Variants in DBX2 observed in about 807,000 individuals in gnomAD.
DBX2 encodes homeobox protein DBX2.
DBX2 carries 16 observed loss-of-function variants against 17.7 expected under a neutral mutation model. That is an observed-to-expected ratio of 0.90 (90% CI 0.61 to 1.37). The LOEUF is 1.37. DBX2 is among the 40% of genes most tolerant of loss of function. DBX2 has a pLI of 0.00. For missense variants in DBX2, 538 were observed against 433.8 expected, an observed-to-expected ratio of 1.24 and a Z score of -2.13; for synonymous variants, 255 against 183.8, an observed-to-expected ratio of 1.39 and a Z score of -3.13.
intron 3 of DBX2, among the ~76,000 whole-genome samples, chr12:45,023,271 G>C (rs2643144): frequency 0.63 from 96,462 of 152,082 alleles, 31,044 homozygotes; most frequent in South Asian, 0.84. Flanking sequence ...CTCATTCATG[G>C]TTTGATTTTT....
rs754042792 is a variant in DBX2 at position 45,016,288 on chromosome 12, A to G, written c.1018T>C (p.Ter340ArgextTer20). The G allele has an allele frequency of 1.3e-6, 2 of 1,551,842 alleles. No individual in the cohort carries two copies. Among genetic ancestry groups the G allele is most frequent in the Non-Finnish European group, 1.7e-6 (2 of 1,153,244 alleles). ...TGAACACGGAGGAATGCTTCCATTC[A>G]GACAGCCCCAGTAAGTACACCCTTG... is the stretch of plus-strand genomic sequence containing the variant. ...GSKGVLTGAV[*>R] The change falls in exon 4 of 4, where the codon TGA becomes CGA. Residue 340 changes from the stop codon to arginine, a stop_lost. Coordinates refer to ENST00000332700, the MANE Select transcript of DBX2 (RefSeq NM_001004329.3).
At chr12:45,044,204 G>C (rs1015812186) in intron 1 of DBX2, among the ~76,000 whole-genome samples, 40 of 151,584 alleles carry the variant, frequency 2.6e-4, no homozygotes, top group African/African-American at 8.3e-4. Flanking sequence ...GTGTCATTCT[G>C]TTCTAGCTTT....
intron 3 of DBX2, among the ~76,000 whole-genome samples, chr12:45,023,449 C>A (rs1946363984): frequency 6.6e-6 from 1 of 152,200 alleles, no homozygotes. Context: ...ACCTAGACCT[C>A]TCAGCAAATG....
At chr12:45,026,815 C>T (rs910480125) in intron 2 of DBX2, among the ~76,000 whole-genome samples, 5 of 152,178 alleles carry the variant, frequency 3.3e-5, no homozygotes, top group African/African-American at 1.2e-4. Flanking sequence ...CCTGAGATGT[C>T]ATCAAGCCCA....
In DBX2 at chr12:45,050,843, G is replaced by C. The variant is rs763121681; in HGVS notation, c.85C>G (p.Pro29Ala). 5 of 1,538,628 alleles carry C rather than the reference G, an allele frequency of 3.2e-6. No homozygotes were observed. Among genetic ancestry groups the C allele is most frequent in the Non-Finnish European group, 4.4e-6 (5 of 1,145,480 alleles). ...CTCTTGCCCAGGTTGCCAAAGCCGGGCGCAGCGGGGAGGTTGAGGAGCGCG... is the reference window on the plus strand; with the variant it reads ...CTCTTGCCCAGGTTGCCAAAGCCGGCCGCAGCGGGGAGGTTGAGGAGCGCG... ...SSALLNLPAA[P>A]GFGNLGKSFL... The change falls in exon 1 of 4, where the codon CCC becomes GCC. Residue 29 changes from proline (P) to alanine (A), a missense_variant. Transcript: ENST00000332700.
chr12:45,043,065 C>G (rs996115168), intron 1 of DBX2, among the ~76,000 whole-genome samples: 5 of 152,156 alleles, frequency 3.3e-5, no homozygotes, highest in Admixed American at 3.3e-4. Context: ...TCCCTGAGCT[C>G]CCGGCTATAC....
intron 2 of DBX2, among the ~76,000 whole-genome samples, chr12:45,033,244 G>A (rs1459340140): frequency 6.6e-6 from 1 of 152,086 alleles, no homozygotes; most frequent in Non-Finnish European, 1.5e-5. Flanking sequence ...AAAATGTGCT[G>A]GTCTGATCCT....
Position 45,023,701 on chromosome 12 carries a change from T to C in DBX2, c.687+6A>G. 1.2e-6 allele frequency: 2 copies of C among 1,614,144 alleles called. No homozygotes were observed. The highest frequency in any genetic ancestry group is 1.1e-5 in the South Asian group (1 of 91,060). On this transcript the variant is annotated splice_donor_region_variant and intron_variant, in intron 3 of 3. Coordinates refer to ENST00000332700, the MANE Select transcript of DBX2 (RefSeq NM_001004329.3). ...AGGCAGTAGACATCTTCCTGCTTAT[T>C]AGTACCTGTGATTCCTTTAGTCCCA...
At chr12:45,027,267 T>C (rs550430223) in intron 2 of DBX2, among the ~76,000 whole-genome samples, 1 of 152,342 alleles carries the variant, frequency 6.6e-6, no homozygotes, top group East Asian at 1.9e-4. Context: ...TTTTATTTGA[T>C]CTTTACAAGA....
chr12:45,039,046 T>C (rs1003179332), intron 1 of DBX2, among the ~76,000 whole-genome samples: 1 of 151,914 alleles, frequency 6.6e-6, no homozygotes, highest in Non-Finnish European at 1.5e-5. Context: ...ATCACCTTTT[T>C]GACATGCATA....
At chr12:45,023,412 A>T (rs2643142) in intron 3 of DBX2, among the ~76,000 whole-genome samples, 96,433 of 152,090 alleles carry the variant, frequency 0.63, 31,019 homozygotes, top group South Asian at 0.84. Context: ...TCTCTTCATT[A>T]GAAAATAAAG....
intron 3 of DBX2, among the ~76,000 whole-genome samples, chr12:45,020,133 C>A (rs1946344080): frequency 6.6e-6 from 1 of 152,082 alleles, no homozygotes; most frequent in Non-Finnish European, 1.5e-5. Flanking sequence ...CAACCATCAC[C>A]AATTTTAGAA....
rs1395677334 is a variant in DBX2, at chr12:45,015,650, G to T, written c.*636C>A. On this transcript the variant is annotated 3_prime_UTR_variant, in exon 4 of 4. Transcript: ENST00000332700. ...TTAAGGATACTAATAGTTATATACAGAAATTCTTCTAATTTGCTTGTTAGG... is the reference window on the plus strand; with the variant it reads ...TTAAGGATACTAATAGTTATATACATAAATTCTTCTAATTTGCTTGTTAGG... 6.6e-6 allele frequency: 1 copy of T among 152,146 alleles called. No individual in the cohort carries two copies. Among genetic ancestry groups the T allele is most frequent in the African/African-American group, 2.4e-5 (1 of 41,438 alleles). The allele number at this position is 152,146 out of a possible 1,614,324, so 9.4% of individuals were successfully genotyped here.
At position 45,016,370 on chromosome 12, in the gene DBX2, TG is replaced by T. The variant is rs35395681; in HGVS notation, c.935del (p.Pro312GlnfsTer38). On this transcript the variant is annotated frameshift_variant, in exon 4 of 4. Coordinates refer to ENST00000332700, the MANE Select transcript of DBX2 (RefSeq NM_001004329.3). LOFTEE classifies it low-confidence loss of function (END_TRUNC). ...LIQESSGAPP[P>X]EANSLQGALY... ...AGGCACCTTGCAGTGAATTTGCTTC[TG>T]GGGGTGGTGCCCCTGAACTCTCCTG... 2 of 1,613,540 alleles carry T rather than the reference TG, an allele frequency of 1.2e-6. No individual in the cohort carries two copies. Among genetic ancestry groups the T allele is most frequent in the Non-Finnish European group, 1.7e-6 (2 of 1,179,806 alleles).
intron 1 of DBX2, among the ~76,000 whole-genome samples, chr12:45,039,102 C>G (rs1184653225): frequency 6.6e-6 from 1 of 150,810 alleles, no homozygotes; most frequent in Non-Finnish European, 1.5e-5. Context: ...TACATAAATA[C>G]ATCTTGTTTA....
At chr12:45,022,043 A>G (rs536067854) in intron 3 of DBX2, among the ~76,000 whole-genome samples, 60 of 152,204 alleles carry the variant, frequency 3.9e-4, no homozygotes, top group Admixed American at 3.3e-3. Flanking sequence ...TTATATACAC[A>G]AAACTGCTTT....
At chr12:45,039,276 G>GATATAT (rs1565585153) in intron 1 of DBX2, among the ~76,000 whole-genome samples, 2 of 66,424 alleles carry the variant, frequency 3.0e-5, no homozygotes, top group African/African-American at 1.3e-4. Flanking sequence ...CTGCATTGAA[G>GATATAT]GTATATATAT....
intron 2 of DBX2, among the ~76,000 whole-genome samples, chr12:45,026,246 C>A (rs1946380882): frequency 6.6e-6 from 1 of 152,114 alleles, no homozygotes; most frequent in Non-Finnish European, 1.5e-5. Context: ...ATATTTGGAC[C>A]TCTAAAGTGG....
intron 3 of DBX2, among the ~76,000 whole-genome samples, chr12:45,020,498 T>C (rs1946345915): frequency 6.6e-6 from 1 of 151,978 alleles, no homozygotes; most frequent in Non-Finnish European, 1.5e-5. Flanking sequence ...GAAGTTAGGA[T>C]AGAGGATACC....
Sources: gnomAD v4.1 joint callset for allele counts (sites outside exome capture counted in the v4.1 genomes callset) on GRCh38, gnomAD v4.1.1 for gene constraint, MANE v1.5 for transcripts, NCBI Gene and HGNC (gene_info 2026-07-23, HGNC 2026-07-21) for gene names.